OXR1: variants seen among roughly 807,000 people sequenced by gnomAD.
OXR1 encodes the protein oxidation resistance protein 1.
OXR1 carries 41 observed loss-of-function variants against 104.6 expected under a neutral mutation model. The ratio of observed to expected loss-of-function variants is 0.39; its 90% CI spans 0.31 to 0.51. The LOEUF (loss-of-function observed/expected upper bound fraction) is 0.51, where lower values mean the gene tolerates loss of function less well. OXR1 is among the 20% of genes least tolerant of loss of function. OXR1 has a pLI of 0.77. For missense variants in OXR1, 955 were observed against 1,031.9 expected, an observed-to-expected ratio of 0.93 and a Z score of 1.02; for synonymous variants, 348 against 348.4, an observed-to-expected ratio of 1.00 and a Z score of 0.01.
At chr8:106,320,291 T>A (rs1364712309) in intron 1 of OXR1, among the ~76,000 whole-genome samples, 3 of 152,178 alleles carry the variant, frequency 2.0e-5, no homozygotes, top group Admixed American at 2.0e-4. Flanking sequence ...CTTCACTGGG[T>A]TACATCCACT....
chr8:106,745,065 A>G (rs28924693), intron 15 of OXR1, among the ~76,000 whole-genome samples: 2,459 of 152,308 alleles, frequency 0.016, 35 homozygotes, highest in Admixed American at 0.047. Flanking sequence ...AATGTAGTCA[A>G]TTAAATGTTA....
At chr8:106,505,991 G>A (rs903409449) in intron 2 of OXR1, among the ~76,000 whole-genome samples, 3 of 152,186 alleles carry the variant, frequency 2.0e-5, no homozygotes, top group African/African-American at 4.8e-5. Context: ...GGTAACAGTC[G>A]AGAGAAATGA....
chr8:106,576,023 A>ACACAC (rs1563616871), intron 3 of OXR1, among the ~76,000 whole-genome samples: 30 of 100,408 alleles, frequency 3.0e-4, no homozygotes, highest in African/African-American at 9.4e-4. Flanking sequence ...CACACACACA[A>ACACAC]AACCCTGAAA....
At chr8:106,321,827 G>A (rs1024504479) in intron 1 of OXR1, among the ~76,000 whole-genome samples, 2 of 152,194 alleles carry the variant, frequency 1.3e-5, no homozygotes, top group African/African-American at 2.4e-5. Flanking sequence ...TATCTGTGAT[G>A]TTTGATGTTG....
chr8:106,545,017 C>G (rs1815244218), intron 3 of OXR1, among the ~76,000 whole-genome samples: 1 of 152,090 alleles, frequency 6.6e-6, no homozygotes, highest in Non-Finnish European at 1.5e-5. Flanking sequence ...TCATTTTGGG[C>G]CATAGAATTA....
intron 1 of OXR1, among the ~76,000 whole-genome samples, chr8:106,319,875 T>C (rs79238025): frequency 0.038 from 5,737 of 152,300 alleles, 171 homozygotes; most frequent in Non-Finnish European, 0.058. Context: ...TCAGCAGTAC[T>C]TTTTGTTTTG....
At chr8:106,616,755 T>G (rs1821273304) in intron 3 of OXR1, among the ~76,000 whole-genome samples, 1 of 152,216 alleles carries the variant, frequency 6.6e-6, no homozygotes, top group Non-Finnish European at 1.5e-5. Context: ...TCGTGATCAT[T>G]GTCACTTCAT....
chr8:106,312,618 A>G (rs1192358284), intron 1 of OXR1, among the ~76,000 whole-genome samples: 2 of 152,206 alleles, frequency 1.3e-5, no homozygotes, highest in East Asian at 3.8e-4. Flanking sequence ...CTCACTTATT[A>G]AGTTACTCTC....
At chr8:106,682,942 T>C (rs181549522) in intron 4 of OXR1, among the ~76,000 whole-genome samples, 1 of 152,336 alleles carries the variant, frequency 6.6e-6, no homozygotes, top group African/African-American at 2.4e-5. Context: ...TTTTAAATTA[T>C]GTTTTGTATT....
At position 106,740,493 on chromosome 8, in the gene OXR1, C is replaced by T; in HGVS notation, c.2314C>T (p.Gln772Ter). The T allele has an allele frequency of 6.2e-7, 1 of 1,609,414 alleles. No homozygotes were observed. The change falls in exon 14 of 17, where the codon CAG (glutamine) becomes TAG (stop). Residue 772 changes from glutamine (Q) to a stop codon, truncating the protein, a stop_gained and splice_region_variant. Transcript: ENST00000517566. LOFTEE classifies it high-confidence loss of function. Reference sequence around the variant, plus strand: ...GATGGTGATTAAAGACAGTGATGGACAGGTATGAAACACCAACTGCATAGA... The same window carrying T: ...GATGGTGATTAAAGACAGTGATGGATAGGTATGAAACACCAACTGCATAGA... ...VLMVIKDSDG[Q>*]VFGALASEPL...
intron 2 of OXR1, among the ~76,000 whole-genome samples, chr8:106,474,517 T>G: frequency 6.6e-6 from 1 of 151,854 alleles, no homozygotes; most frequent in East Asian, 1.9e-4. Context: ...TAAGAATAGT[T>G]TGTACTTTGT....
At chr8:106,711,870 A>G (rs930795092) in intron 10 of OXR1, among the ~76,000 whole-genome samples, 1 of 152,180 alleles carries the variant, frequency 6.6e-6, no homozygotes, top group Non-Finnish European at 1.5e-5. Flanking sequence ...TTTGCTAGAC[A>G]GTAAGATACT....
rs139190464 is a variant in OXR1, at chr8:106,352,865, C to T, written c.-138-6611C>T. 5.2e-3 allele frequency among the ~76,000 whole-genome samples: 791 copies of T among 152,136 alleles called. 1 individual carries two copies. The highest frequency in any genetic ancestry group is 7.8e-3 in the Admixed American group (119 of 15,294). ...AAAGGGAGAGATATTTATTCTTCAG[C>T]GAATATCCTTTTGATTTTACTCTAT... On this transcript the variant is annotated intron_variant, in intron 1 of 16. Coordinates refer to ENST00000517566, the MANE Select transcript of OXR1 (RefSeq NM_001198533.2).
chr8:106,608,148 G>A (rs1820544710), intron 3 of OXR1, among the ~76,000 whole-genome samples: 1 of 152,054 alleles, frequency 6.6e-6, no homozygotes, highest in Non-Finnish European at 1.5e-5. Context: ...AAACTGGTCA[G>A]GCACGGTGGT....
chr8:106,553,394 C>T (rs1171199884), intron 3 of OXR1, among the ~76,000 whole-genome samples: 1 of 150,292 alleles, frequency 6.7e-6, no homozygotes, highest in Non-Finnish European at 1.5e-5. Flanking sequence ...TCTCAGCTTA[C>T]TGCAGCCTCA....
At chr8:106,322,347 C>G (rs1166517696) in intron 1 of OXR1, among the ~76,000 whole-genome samples, 1 of 152,132 alleles carries the variant, frequency 6.6e-6, no homozygotes, top group Non-Finnish European at 1.5e-5. Context: ...AAATTCAACA[C>G]CCCTTCATGT....
At chr8:106,286,799 T>G (rs545716104) in intron 1 of OXR1, among the ~76,000 whole-genome samples, 23 of 152,190 alleles carry the variant, frequency 1.5e-4, no homozygotes, top group Non-Finnish European at 3.1e-4. Context: ...AGGTCTATTG[T>G]TCAACGAATA....
intron 2 of OXR1, among the ~76,000 whole-genome samples, chr8:106,488,179 A>G (rs1810822229): frequency 1.4e-5 from 2 of 142,076 alleles, no homozygotes; most frequent in Non-Finnish European, 1.5e-5. Context: ...GCCAGTGATG[A>G]TGAGCATTTT....
chr8:106,414,274 T>C (rs1818580833), intron 2 of OXR1, among the ~76,000 whole-genome samples: 1 of 152,072 alleles, frequency 6.6e-6, no homozygotes, highest in African/African-American at 2.4e-5. Context: ...ACATGACCAG[T>C]GCTAAGAGAC....
Sources: allele counts gnomAD v4.1 joint callset (sites outside exome capture counted in the v4.1 genomes callset), GRCh38; gene constraint gnomAD v4.1.1; transcripts MANE v1.5; gene names NCBI Gene and HGNC (gene_info 2026-07-23, HGNC 2026-07-21).